The following ZBTB38 variants were observed in gnomAD, a reference collection of about 807,000 sequenced individuals.
The protein encoded by ZBTB38 is zinc finger and BTB domain containing 38, also known as zinc finger and BTB domain-containing protein 38.
A neutral mutation model predicts 76.8 loss-of-function variants in ZBTB38; 20 were observed. That is an observed-to-expected ratio of 0.26 (90% CI 0.18 to 0.38). The LOEUF (loss-of-function observed/expected upper bound fraction) is 0.38, where lower values mean the gene tolerates loss of function less well. Among genes scored for constraint, ZBTB38 ranks in the 10% least tolerant of loss-of-function variants. ZBTB38 has a pLI of 1.00. For synonymous variants in ZBTB38, 504 were observed against 544.2 expected (o/e 0.93, Z 1.03); for missense variants, 1,082 against 1,482.3 (o/e 0.73, Z 4.43).
chr3:141,428,971 ATATATCTT>A (rs2076912601), intron 5 of ZBTB38, among the ~76,000 whole-genome samples: 1 of 152,236 alleles, frequency 6.6e-6, no homozygotes, highest in South Asian at 2.1e-4. Flanking sequence ...ATTTATAAAC[ATATATCTT>A]TTTATAGTAT....
At position 141,422,620 on chromosome 3, in the gene ZBTB38, G is replaced by A. The variant is rs111767481; in HGVS notation, c.-1+18589G>A. Among the ~76,000 whole-genome samples, 63 of 152,226 alleles carry A rather than the reference G, an allele frequency of 4.1e-4. 1 individual carries two copies. The highest frequency in any genetic ancestry group is 1.3e-3 in the African/African-American group (56 of 41,526). ...ATTTGCTCAATCTCTTTACTTGGAC[G>A]GGAAGGGGCAACGTTTAGGCCTATA... On this transcript the variant is annotated intron_variant, in intron 5 of 5. Transcript: ENST00000321464.
chr3:141,396,699 C>A (rs115472501), intron 4 of ZBTB38, among the ~76,000 whole-genome samples: 1,577 of 152,316 alleles, frequency 0.01, 23 homozygotes, highest in African/African-American at 0.036. Context: ...TTGATCAGGA[C>A]TACAGAATGG....
At position 141,431,341 on chromosome 3, in the gene ZBTB38, A is replaced by AATAT. The variant is rs1553771301; in HGVS notation, c.1-11037_1-11034dup. On this transcript the variant is annotated intron_variant, in intron 5 of 5. Coordinates refer to ENST00000321464, the MANE Select transcript of ZBTB38 (RefSeq NM_001376113.1). ...TTCGTCTCAAAAAAAAAAAAAAAAA[A>AATAT]ATATATATATATATTTGGGGGGGAC... 2.5e-3 allele frequency among the ~76,000 whole-genome samples: 253 copies of AATAT among 103,190 alleles called. 11 individuals carry two copies. Among genetic ancestry groups the AATAT allele is most frequent in the Middle Eastern group, 4.1e-3 (1 of 244 alleles). The allele number at this position is 103,190 out of a possible 152,430, so 67.7% of individuals were successfully genotyped here.
Position 141,443,183 on chromosome 3 carries a change from GC to G in ZBTB38, c.797del (p.Pro266GlnfsTer25). The G allele has an allele frequency of 6.2e-7, 1 of 1,614,222 alleles. No homozygotes were observed. Among genetic ancestry groups the G allele is most frequent in the Non-Finnish European group, 8.5e-7 (1 of 1,180,034 alleles). ...LAAKPKTCRKPKTFSIPQDSD... is the reference protein window; with the variant it reads ...LAAKPKTCRKXKTFSIPQDSD... ...CAGCGAAACCGAAAACATGCCGGAA[GC>G]CAAAGACATTCTCCATACCACAGGA... On this transcript the variant is annotated frameshift_variant, in exon 6 of 6. Coordinates refer to ENST00000321464, the MANE Select transcript of ZBTB38 (RefSeq NM_001376113.1). LOFTEE classifies it high-confidence loss of function. This position sits in a 1 kb window ranked among gnomAD's most constrained non-coding sequence, Gnocchi z 5.6.
intron 2 of ZBTB38, among the ~76,000 whole-genome samples, chr3:141,377,708 T>C (rs1174343186): frequency 6.6e-6 from 1 of 152,178 alleles, no homozygotes; most frequent in Non-Finnish European, 1.5e-5. Context: ...TAGCCAAATG[T>C]TTTTCAGCAA....
At chr3:141,360,607 G>GTGCT (rs1330551111) in intron 1 of ZBTB38, among the ~76,000 whole-genome samples, 1 of 152,154 alleles carries the variant, frequency 6.6e-6, no homozygotes, top group African/African-American at 2.4e-5. Context: ...CAAAAAGAGA[G>GTGCT]TGCTTAGTCT....
chr3:141,389,006 T>C (rs1947981921), intron 4 of ZBTB38: 1 of 152,222 alleles, frequency 6.6e-6, no homozygotes, highest in African/African-American at 2.4e-5. Flanking sequence ...AGAAAATGCT[T>C]GTACTCTTGC....
chr3:141,362,864 C>T (rs531596661), intron 1 of ZBTB38, among the ~76,000 whole-genome samples: 1 of 152,138 alleles, frequency 6.6e-6, no homozygotes, highest in African/African-American at 2.4e-5. Context: ...GGTGACTAGA[C>T]TGGGTTTCTT....
chr3:141,368,210 A>T (rs1189415825), upstream of ZBTB38: 1 of 152,406 alleles, frequency 6.6e-6, no homozygotes, highest in East Asian at 1.9e-4. Flanking sequence ...GAGCACGGCC[A>T]TGCCTCTGCC....
At chr3:141,409,992 G>T (rs1176501518) in intron 5 of ZBTB38, among the ~76,000 whole-genome samples, 2 of 152,212 alleles carry the variant, frequency 1.3e-5, no homozygotes, top group Admixed American at 6.5e-5. Context: ...CCTAGGAATT[G>T]TTCCCAGCAT....
At chr3:141,391,018 C>T (rs376982144) in intron 4 of ZBTB38, among the ~76,000 whole-genome samples, 9 of 151,840 alleles carry the variant, frequency 5.9e-5, no homozygotes, top group East Asian at 1.9e-4. Flanking sequence ...TAACTGGACA[C>T]GGTGGCTGGT....
chr3:141,340,258 C>T (rs1397073102), intron 1 of ZBTB38, among the ~76,000 whole-genome samples: 1 of 152,076 alleles, frequency 6.6e-6, no homozygotes, highest in African/African-American at 2.4e-5. Context: ...CAGTCCAAAG[C>T]GTTCATATTC....
At chr3:141,378,275 G>A (rs1244964301) in intron 2 of ZBTB38, among the ~76,000 whole-genome samples, 1 of 152,160 alleles carries the variant, frequency 6.6e-6, no homozygotes, top group Non-Finnish European at 1.5e-5. Flanking sequence ...GGGAACTGTG[G>A]TGGTGACTAT....
At position 141,420,126 on chromosome 3, in the gene ZBTB38, C is replaced by T. The variant is rs769065499; in HGVS notation, c.-1+16095C>T. On this transcript the variant is annotated intron_variant, in intron 5 of 5. Coordinates refer to ENST00000321464, the MANE Select transcript of ZBTB38 (RefSeq NM_001376113.1). ...GGAAGGTGGTGTTCTGCTGGGTAAG[C>T]GGATATGGGCACTGAAACAATCGCA... Among the ~76,000 whole-genome samples, 5 of 152,002 alleles carry T rather than the reference C, an allele frequency of 3.3e-5. No homozygotes were observed. In the East Asian group the frequency reaches 5.8e-4, roughly 18 times the overall value.
intron 5 of ZBTB38, chr3:141,426,211 G>T (rs914165650): frequency 3.1e-6 from 4 of 1,288,628 alleles, no homozygotes; most frequent in Non-Finnish European, 4.0e-6. Flanking sequence ...AGGCCAGGTC[G>T]TGCGGACTAT....
chr3:141,369,809 C>G (rs1944281127), intron 1 of ZBTB38, 63 bp from the exon 2 acceptor site: 1 of 152,228 alleles, frequency 6.6e-6, no homozygotes, highest in Admixed American at 6.5e-5. Flanking sequence ...TTAACTATCA[C>G]ACACTAAAAT....
At chr3:141,387,727 A>G (rs1048776152) in intron 4 of ZBTB38, 1 of 152,234 alleles carries the variant, frequency 6.6e-6, no homozygotes, top group African/African-American at 2.4e-5. Context: ...CTGTGATCAC[A>G]GTTCATTCAA....
chr3:141,415,256 A>G (rs1305706090), intron 5 of ZBTB38, among the ~76,000 whole-genome samples: 3 of 152,082 alleles, frequency 2.0e-5, no homozygotes, highest in African/African-American at 7.2e-5. Flanking sequence ...TCGTTGTAGG[A>G]GTTGGGCTTT....
At chr3:141,364,924 C>T (rs1302231055), upstream of ZBTB38, among the ~76,000 whole-genome samples, 1 of 151,874 alleles carries the variant, frequency 6.6e-6, no homozygotes, top group Non-Finnish European at 1.5e-5. Flanking sequence ...AAATCAGAAC[C>T]CTCATAAATT....
Sources: gnomAD v4.1 joint callset for allele counts (sites outside exome capture counted in the v4.1 genomes callset) on GRCh38, gnomAD v4.1.1 for gene constraint, Gnocchi (gnomAD v3.1) non-coding constraint, MANE v1.5 for transcripts, NCBI Gene and HGNC (gene_info 2026-07-23, HGNC 2026-07-21) for gene names.